The following LRP1B variants were observed in gnomAD, a reference collection of about 807,000 sequenced individuals.
LRP1B encodes the protein low-density lipoprotein receptor-related protein 1B.
A neutral mutation model predicts 556.6 loss-of-function variants in LRP1B; 217 were observed. That is an observed-to-expected ratio of 0.39 (90% CI 0.35 to 0.44). The LOEUF is 0.44. Among genes scored for constraint, LRP1B ranks in the 20% least tolerant of loss-of-function variants. LRP1B has a pLI of 1.00. For synonymous variants in LRP1B, 2,047 were observed against 1,865.8 expected (o/e 1.10, Z -2.50); for missense variants, 5,053 against 5,620.8 (o/e 0.90, Z 3.23).
chr2:140,523,822 C>A (rs1451477341), intron 49 of LRP1B, among the ~76,000 whole-genome samples: 2 of 151,710 alleles, frequency 1.3e-5, no homozygotes, highest in Admixed American at 6.6e-5. Context: ...AAAATTAAGT[C>A]AAAGAAGTTT....
intron 7 of LRP1B, among the ~76,000 whole-genome samples, chr2:141,066,698 A>G (rs1699490027): frequency 6.6e-6 from 1 of 151,988 alleles, no homozygotes. Context: ...TGTTAGTTAT[A>G]ACTTACTGAC....
intron 2 of LRP1B, among the ~76,000 whole-genome samples, chr2:141,581,138 A>T (rs62166483): frequency 0.022 from 3,311 of 152,230 alleles, 97 homozygotes; most frequent in East Asian, 0.13. Flanking sequence ...TTCCAGGTTG[A>T]AGCACTCTCT....
chr2:141,423,290 C>CCTTTTTTTTTTTTTT lies in LRP1B; in HGVS notation c.343+57105_343+57106insAAAAAAAAAAAAAAG, dbSNP rs1321976263. Among the ~76,000 whole-genome samples, 10 of 68,376 alleles carry CCTTTTTTTTTTTTTT rather than the reference C, an allele frequency of 1.5e-4. 5 individuals carry two copies. The highest frequency in any genetic ancestry group is 3.0e-4 in the Non-Finnish European group (10 of 33,618). 44.9% of individuals were successfully genotyped at this position (68,376 alleles called of 152,430 possible). ...CCCTCTCACTAGGCAACAGCCAGAG[C>CCTTTTTTTTTTTTTT]TTTTTTTTTTTTTTTTTTTTTTTTT... On this transcript the variant is annotated intron_variant, in intron 3 of 90. Coordinates refer to ENST00000389484, the MANE Select transcript of LRP1B (RefSeq NM_018557.3).
intron 27 of LRP1B, among the ~76,000 whole-genome samples, chr2:140,861,258 T>G (rs1305412777): frequency 1.3e-5 from 2 of 151,976 alleles, no homozygotes; most frequent in African/African-American, 4.8e-5. Context: ...ATTACAAAAA[T>G]TAGCTGGACA....
intron 3 of LRP1B, among the ~76,000 whole-genome samples, chr2:141,367,722 T>G (rs1435001826): frequency 6.6e-6 from 1 of 151,854 alleles, no homozygotes; most frequent in Non-Finnish European, 1.5e-5. Context: ...GTCCTCATGA[T>G]CCACCCGCCT....
At chr2:140,443,188 G>A (rs936538212) in intron 65 of LRP1B, among the ~76,000 whole-genome samples, 22 of 152,088 alleles carry the variant, frequency 1.4e-4, no homozygotes, top group Non-Finnish European at 2.2e-4. Flanking sequence ...AGCCTCCCAA[G>A]TAGCTGGGAT....
chr2:140,573,270 T>C (rs1681398542), intron 43 of LRP1B, among the ~76,000 whole-genome samples: 1 of 151,890 alleles, frequency 6.6e-6, no homozygotes, highest in South Asian at 2.1e-4. Context: ...TTATTAGCTG[T>C]CAATTAAAAT....
chr2:141,595,783 C>G (rs1339440024), intron 2 of LRP1B, among the ~76,000 whole-genome samples: 1 of 151,910 alleles, frequency 6.6e-6, no homozygotes, highest in Non-Finnish European at 1.5e-5. Context: ...ATTTAAATGC[C>G]CTACATAGAT....
intron 86 of LRP1B, among the ~76,000 whole-genome samples, chr2:140,266,750 A>G (rs1682220835): frequency 6.6e-6 from 1 of 152,046 alleles, no homozygotes; most frequent in South Asian, 2.1e-4. Flanking sequence ...CTCTTCACGT[A>G]TAAAGCCTCC....
intron 35 of LRP1B, among the ~76,000 whole-genome samples, chr2:140,748,377 ATATATTCATATATTATATTCATATAT>A (rs529979228): frequency 2.2e-5 from 2 of 92,336 alleles, no homozygotes; most frequent in Non-Finnish European, 4.1e-5. Context: ...ATATATGTAT[ATATATTCATATATTATATTCATATAT>A]TATATTCATA....
At chr2:140,690,225 A>T (rs1454581668) in intron 41 of LRP1B, among the ~76,000 whole-genome samples, 1 of 151,984 alleles carries the variant, frequency 6.6e-6, no homozygotes, top group Non-Finnish European at 1.5e-5. Context: ...TCTTCCATTA[A>T]TTTACAGCAT....
intron 86 of LRP1B, among the ~76,000 whole-genome samples, chr2:140,263,520 T>C (rs752155557): frequency 6.6e-6 from 1 of 152,094 alleles, no homozygotes; most frequent in Non-Finnish European, 1.5e-5. Context: ...TTCCTTCAAT[T>C]TATCTTTCCC....
chr2:142,085,650 T>A (rs1438350148), intron 1 of LRP1B, among the ~76,000 whole-genome samples: 1 of 152,178 alleles, frequency 6.6e-6, no homozygotes, highest in Non-Finnish European at 1.5e-5. Context: ...GAAATGTCCA[T>A]CTTCGTGTGT....
At chr2:140,893,606 C>A (rs1693862973) in intron 23 of LRP1B, among the ~76,000 whole-genome samples, 2 of 152,200 alleles carry the variant, frequency 1.3e-5, no homozygotes, top group Middle Eastern at 3.4e-3. Context: ...TATCTGGTTT[C>A]TTGGGAGTAA....
At chr2:141,605,591 G>T (rs1003343837) in intron 2 of LRP1B, among the ~76,000 whole-genome samples, 1 of 152,140 alleles carries the variant, frequency 6.6e-6, no homozygotes, top group Non-Finnish European at 1.5e-5. Flanking sequence ...AGCTGGGCTG[G>T]AACTGGCAGC....
At position 140,233,121 on chromosome 2, in the gene LRP1B, T is replaced by C. The variant is rs1680539882; in HGVS notation, c.*65A>G. Reference sequence around the variant, plus strand: ...TGATGCCAAAACAAGTATAATACTGTTGGAACATACAAAAGTAATCCTTAT... The same window carrying C: ...TGATGCCAAAACAAGTATAATACTGCTGGAACATACAAAAGTAATCCTTAT... On this transcript the variant is annotated 3_prime_UTR_variant, in exon 91 of 91. Transcript: ENST00000389484. The C allele has an allele frequency of 9.5e-7, 1 of 1,056,110 alleles. No homozygotes were observed. The highest frequency in any genetic ancestry group is 1.3e-6 in the Non-Finnish European group (1 of 750,510). 65.4% of individuals were successfully genotyped at this position (1,056,110 alleles called of 1,614,324 possible). A position where few individuals can be genotyped will look rare whatever the true frequency, so the allele number is the denominator to read the frequency against.
At chr2:140,374,877 G>T (rs1240124272) in intron 68 of LRP1B, among the ~76,000 whole-genome samples, 1 of 152,008 alleles carries the variant, frequency 6.6e-6, no homozygotes, top group African/African-American at 2.4e-5. Flanking sequence ...ATGACCAATG[G>T]TACTGTTGTG....
chr2:140,852,306 G>A (rs1692483586), intron 27 of LRP1B, among the ~76,000 whole-genome samples: 2 of 152,188 alleles, frequency 1.3e-5, no homozygotes, highest in Admixed American at 1.3e-4. Flanking sequence ...CAACCTGGGT[G>A]ACAGAGTGAG....
chr2:141,683,581 A>G (rs796861639), intron 2 of LRP1B, among the ~76,000 whole-genome samples: 5 of 152,226 alleles, frequency 3.3e-5, no homozygotes, highest in African/African-American at 1.2e-4. Flanking sequence ...TTAGCTGAGG[A>G]GATTTTCAAG....
Sources: allele counts gnomAD v4.1 joint callset (sites outside exome capture counted in the v4.1 genomes callset), GRCh38; gene constraint gnomAD v4.1.1; transcripts MANE v1.5; gene names NCBI Gene and HGNC (gene_info 2026-07-23, HGNC 2026-07-21).